The following GRAMD2B variants were observed in gnomAD, a reference collection of about 807,000 sequenced individuals.
GRAMD2B encodes GRAM domain-containing protein 2B.
In GRAMD2B, 41 loss-of-function variants were observed where a neutral mutation model predicts 59.2. The ratio of observed to expected loss-of-function variants is 0.69; its 90% CI spans 0.54 to 0.90. GRAMD2B has a LOEUF of 0.90. Ranked by LOEUF, GRAMD2B falls within the 40% of genes least tolerant of loss-of-function variation. GRAMD2B has a pLI of 0.00. For missense variants in GRAMD2B, 424 were observed against 500.5 expected (o/e 0.85, Z 1.46); for synonymous variants, 161 against 182.7 (o/e 0.88, Z 0.96).
At chr5:126,476,688 TAATTA>T (rs747696291) in intron 5 of GRAMD2B, among the ~76,000 whole-genome samples, 1 of 152,264 alleles carries the variant, frequency 6.6e-6, no homozygotes, top group Non-Finnish European at 1.5e-5. Flanking sequence ...TGTATGATCA[TAATTA>T]AATTAAATTC....
At chr5:126,412,550 G>T (rs894799003) in intron 1 of GRAMD2B, among the ~76,000 whole-genome samples, 1 of 152,128 alleles carries the variant, frequency 6.6e-6, no homozygotes, top group Non-Finnish European at 1.5e-5. Flanking sequence ...TGTTCATCAG[G>T]GATATTGGCC....
intron 2 of GRAMD2B, chr5:126,467,338 G>A (rs1316475518): frequency 1.3e-5 from 2 of 151,542 alleles, no homozygotes; most frequent in Admixed American, 6.6e-5. Context: ...TTATATAAAG[G>A]ACCCCACATT....
At chr5:126,478,598 G>A (rs1041340943) in intron 6 of GRAMD2B, among the ~76,000 whole-genome samples, 11 of 152,086 alleles carry the variant, frequency 7.2e-5, no homozygotes, top group East Asian at 5.8e-4. Context: ...AAAATTAGCC[G>A]GGTTTGGTGG....
chr5:126,387,651 G>T (rs1756287713), intron 1 of GRAMD2B, among the ~76,000 whole-genome samples: 1 of 151,980 alleles, frequency 6.6e-6, no homozygotes, highest in Admixed American at 6.6e-5. Context: ...GCAGGCTTTT[G>T]TTTCCTGTGG....
At chr5:126,457,106 G>A (rs1394391223) in intron 1 of GRAMD2B, among the ~76,000 whole-genome samples, 55 of 146,234 alleles carry the variant, frequency 3.8e-4, no homozygotes, top group African/African-American at 1.2e-3. Context: ...GCGAGAGAAT[G>A]GCATGAATGT....
chr5:126,378,004 A>T (rs1343314381), intron 1 of GRAMD2B, among the ~76,000 whole-genome samples: 1 of 152,164 alleles, frequency 6.6e-6, no homozygotes, highest in African/African-American at 2.4e-5. Flanking sequence ...CAGCTAATAT[A>T]ATTATACCAA....
At chr5:126,431,362 T>C (rs867070852) in intron 1 of GRAMD2B, among the ~76,000 whole-genome samples, 7 of 152,216 alleles carry the variant, frequency 4.6e-5, no homozygotes, top group South Asian at 2.1e-4. Flanking sequence ...CTTTGCAGAA[T>C]AGTTATCCAC....
chr5:126,455,463 T>G (rs1766109089), intron 1 of GRAMD2B, among the ~76,000 whole-genome samples: 1 of 152,064 alleles, frequency 6.6e-6, no homozygotes, highest in South Asian at 2.1e-4. Flanking sequence ...CTTGTGAGAG[T>G]GACTTTTCCT....
chr5:126,437,643 G>A (rs565941742), intron 1 of GRAMD2B, among the ~76,000 whole-genome samples: 17 of 152,110 alleles, frequency 1.1e-4, no homozygotes, highest in Admixed American at 6.6e-5. Context: ...AAACAGAACG[G>A]CAGAGAATAA....
chr5:126,369,472 C>G (rs1212687229), upstream of GRAMD2B, among the ~76,000 whole-genome samples: 1 of 152,090 alleles, frequency 6.6e-6, no homozygotes, highest in Non-Finnish European at 1.5e-5. Flanking sequence ...AAGATATTAG[C>G]TAGTACAGAG....
intron 1 of GRAMD2B, among the ~76,000 whole-genome samples, chr5:126,376,158 T>C (rs958715789): frequency 2.0e-5 from 3 of 152,208 alleles, no homozygotes; most frequent in Non-Finnish European, 4.4e-5. Flanking sequence ...AAATTAGCCA[T>C]TAGGCAAAAG....
At chr5:126,473,902 G>C (rs896488742) in intron 5 of GRAMD2B, among the ~76,000 whole-genome samples, 4 of 152,136 alleles carry the variant, frequency 2.6e-5, no homozygotes, top group African/African-American at 9.7e-5. Flanking sequence ...GGGTAAGTCA[G>C]ACATCCTCAA....
chr5:126,457,832 G>T (rs902707383), intron 1 of GRAMD2B, among the ~76,000 whole-genome samples: 2 of 151,984 alleles, frequency 1.3e-5, no homozygotes, highest in African/African-American at 4.8e-5. Context: ...TGTGGGTCAG[G>T]TCCTGAAGTG....
chr5:126,410,114 A>G (rs747784983), intron 1 of GRAMD2B, among the ~76,000 whole-genome samples: 1,656 of 152,128 alleles, frequency 0.011, 18 homozygotes, highest in Non-Finnish European at 0.019. Flanking sequence ...GTTTGAAGTC[A>G]GGTAGCATGA....
At chr5:126,431,113 G>A (rs754067844) in intron 1 of GRAMD2B, among the ~76,000 whole-genome samples, 5 of 152,026 alleles carry the variant, frequency 3.3e-5, no homozygotes, top group Non-Finnish European at 7.4e-5. Context: ...ACTTCCCAAC[G>A]TTTTGGTCTT....
chr5:126,395,869 T>C (rs1292741199), intron 1 of GRAMD2B, among the ~76,000 whole-genome samples: 1 of 152,220 alleles, frequency 6.6e-6, no homozygotes, highest in East Asian at 1.9e-4. Flanking sequence ...TGTGATGTTT[T>C]GATATACACA....
chr5:126,483,480 C>T lies in GRAMD2B; in HGVS notation c.753C>T (p.Phe251=). ...SSLPLDFNDE[F]SDLDGVVQQR... is the part of the protein sequence containing the mutation. Reference sequence around the variant, plus strand: ...CCTTTCAGGATTTCAATGATGAATTCTCAGATCTGGATGGAGTGGTTCAAC... The same window carrying T: ...CCTTTCAGGATTTCAATGATGAATTTTCAGATCTGGATGGAGTGGTTCAAC... Residue 251 remains phenylalanine (F), a synonymous_variant, in exon 9 of 14, where the codon TTC becomes TTT. Coordinates refer to ENST00000285689, the MANE Select transcript of GRAMD2B (RefSeq NM_023927.4). 1 of 1,608,248 alleles carries T rather than the reference C, an allele frequency of 6.2e-7. No individual in the cohort carries two copies. Among genetic ancestry groups the T allele is most frequent in the Non-Finnish European group, 8.5e-7 (1 of 1,175,056 alleles).
intron 1 of GRAMD2B, among the ~76,000 whole-genome samples, chr5:126,413,783 G>T (rs531559061): frequency 6.6e-6 from 1 of 152,158 alleles, no homozygotes; most frequent in African/African-American, 2.4e-5. Context: ...GTGCTCCAAT[G>T]CTGTGTGGGT....
At chr5:126,397,689 T>C (rs938720928) in intron 1 of GRAMD2B, among the ~76,000 whole-genome samples, 2 of 152,248 alleles carry the variant, frequency 1.3e-5, no homozygotes, top group African/African-American at 4.8e-5. Context: ...TTGATTTGCA[T>C]ATGTTGAACT....
Sources: allele counts gnomAD v4.1 joint callset (sites outside exome capture counted in the v4.1 genomes callset), GRCh38; gene constraint gnomAD v4.1.1; transcripts MANE v1.5; gene names NCBI Gene and HGNC (gene_info 2026-07-23, HGNC 2026-07-21).